Variants in CHODL observed in about 807,000 individuals in gnomAD.
CHODL encodes the protein chondrolectin.
A neutral mutation model predicts 34.5 loss-of-function variants in CHODL; 29 were observed. That is an observed-to-expected ratio of 0.84 (90% CI 0.63 to 1.15). The LOEUF is 1.15. CHODL is among the 50% of genes most tolerant of loss of function. CHODL has a pLI of 0.00. For synonymous variants in CHODL, 125 were observed against 116.1 expected, an observed-to-expected ratio of 1.08 and a Z score of -0.49; for missense variants, 332 against 332.5, an observed-to-expected ratio of 1.00 and a Z score of 0.01.
chr21:17,973,614 G>A (rs1311912399), intron 1 of CHODL, among the ~76,000 whole-genome samples: 1 of 150,902 alleles, frequency 6.6e-6, no homozygotes, highest in Admixed American at 6.6e-5. Context: ...TAGAGACGGA[G>A]TTTCACCGTG....
intron 2 of CHODL, among the ~76,000 whole-genome samples, chr21:18,183,962 T>C (rs954708948): frequency 1.6e-4 from 25 of 152,216 alleles, no homozygotes; most frequent in Non-Finnish European, 3.1e-4. Context: ...CTTTTTTCTT[T>C]TTTTAAAAAA....
At chr21:17,956,902 T>C (rs1025637070) in intron 1 of CHODL, among the ~76,000 whole-genome samples, 1 of 149,964 alleles carries the variant, frequency 6.7e-6, no homozygotes, top group Admixed American at 6.7e-5. Flanking sequence ...AGATATCTAG[T>C]TAAACATTAT....
chr21:18,136,089 G>A (rs1382177006), intron 2 of CHODL, among the ~76,000 whole-genome samples: 4 of 114,016 alleles, frequency 3.5e-5, no homozygotes, highest in Non-Finnish European at 6.7e-5. Flanking sequence ...CCTAGCGACA[G>A]AGCAAGATTA....
At chr21:18,263,780 CCTTA>C (rs1365604484) in intron 5 of CHODL, among the ~76,000 whole-genome samples, 3 of 152,092 alleles carry the variant, frequency 2.0e-5, no homozygotes, top group Admixed American at 6.6e-5. Context: ...CCTCTTTTGA[CCTTA>C]CTTCATCTTC....
chr21:18,156,471 AAATT>A (rs1474584778), intron 2 of CHODL, among the ~76,000 whole-genome samples: 2 of 152,224 alleles, frequency 1.3e-5, no homozygotes, highest in African/African-American at 4.8e-5. Flanking sequence ...TAAAATTTAA[AAATT>A]AACGTTTTAA....
At chr21:18,216,967 C>T (rs1331767590) in intron 2 of CHODL, among the ~76,000 whole-genome samples, 3 of 152,044 alleles carry the variant, frequency 2.0e-5, no homozygotes, top group Non-Finnish European at 4.4e-5. Context: ...GACACAGATC[C>T]AAACCATATC....
intron 2 of CHODL, among the ~76,000 whole-genome samples, chr21:18,146,110 A>G (rs2072884054): frequency 6.7e-6 from 1 of 149,350 alleles, no homozygotes; most frequent in East Asian, 1.9e-4. Context: ...CTGAGACTAC[A>G]TTGCCCGCCA....
chr21:18,074,562 G>A (rs974101360), intron 2 of CHODL, among the ~76,000 whole-genome samples: 4 of 152,128 alleles, frequency 2.6e-5, no homozygotes, highest in African/African-American at 9.7e-5. Context: ...GCTTTTAAAA[G>A]TTTTCGCTTG....
chr21:18,084,248 G>C (rs1336558348), intron 2 of CHODL, among the ~76,000 whole-genome samples: 1 of 152,024 alleles, frequency 6.6e-6, no homozygotes, highest in Admixed American at 6.5e-5. Flanking sequence ...AGTTACCTGA[G>C]GCTTCCCAGT....
At chr21:18,030,994 C>A (rs1449155495) in intron 2 of CHODL, among the ~76,000 whole-genome samples, 2 of 152,140 alleles carry the variant, frequency 1.3e-5, no homozygotes, top group Non-Finnish European at 2.9e-5. Context: ...AAAGATTCAA[C>A]AACTGTTTGA....
chr21:18,087,559 G>T (rs2065022754), intron 2 of CHODL, among the ~76,000 whole-genome samples: 7 of 152,106 alleles, frequency 4.6e-5, no homozygotes. Flanking sequence ...GCATAGGAGA[G>T]CTGGGCCCCC....
intron 2 of CHODL, among the ~76,000 whole-genome samples, chr21:18,201,857 T>C (rs1047745648): frequency 6.9e-6 from 1 of 145,012 alleles, no homozygotes; most frequent in Non-Finnish European, 1.5e-5. Context: ...CAGGCTGGAG[T>C]GCAGTGGCGC....
intron 2 of CHODL, among the ~76,000 whole-genome samples, chr21:18,232,041 C>G (rs1000165805): frequency 5.3e-5 from 8 of 152,018 alleles, no homozygotes; most frequent in Non-Finnish European, 1.0e-4. Flanking sequence ...CACTGTTGAA[C>G]TTGATGTTTG....
chr21:18,144,816 G>A (rs1264186712), intron 2 of CHODL, among the ~76,000 whole-genome samples: 3 of 150,978 alleles, frequency 2.0e-5, no homozygotes, highest in African/African-American at 7.3e-5. Context: ...TTAGGAAGAA[G>A]TAAATACTGA....
intron 2 of CHODL, among the ~76,000 whole-genome samples, chr21:18,110,525 C>T (rs1472116544): frequency 6.6e-6 from 1 of 152,052 alleles, no homozygotes; most frequent in East Asian, 1.9e-4. Flanking sequence ...GAGAGAAGAA[C>T]CCAGCCATTC....
chr21:18,256,347 C>T (rs1270428986), intron 1 of CHODL, among the ~76,000 whole-genome samples, 162 bp from the exon 2 acceptor site: 1 of 152,144 alleles, frequency 6.6e-6, no homozygotes, highest in Non-Finnish European at 1.5e-5. Flanking sequence ...TTACAAATTG[C>T]AAGCAATAGG....
intron 2 of CHODL, among the ~76,000 whole-genome samples, chr21:18,037,662 C>T (rs1316310833): frequency 6.6e-6 from 1 of 151,594 alleles, no homozygotes; most frequent in African/African-American, 2.4e-5. Flanking sequence ...TGCAGAAGCT[C>T]TCCAAGATCA....
intron 2 of CHODL, among the ~76,000 whole-genome samples, chr21:18,137,435 AT>A (rs2072747137): frequency 6.6e-6 from 1 of 152,216 alleles, no homozygotes; most frequent in Non-Finnish European, 1.5e-5. Context: ...TATGTTAAAT[AT>A]CAGGTATTTC....
intron 1 of CHODL, among the ~76,000 whole-genome samples, chr21:17,974,736 TTTAG>T (rs1415837934): frequency 6.6e-6 from 1 of 151,862 alleles, no homozygotes; most frequent in Non-Finnish European, 1.5e-5. Context: ...TGAAAATTAT[TTTAG>T]TTAAACAGTA....
Sources: allele counts gnomAD v4.1 joint callset (sites outside exome capture counted in the v4.1 genomes callset), GRCh38; gene constraint gnomAD v4.1.1; transcripts MANE v1.5; gene names NCBI Gene and HGNC (gene_info 2026-07-23, HGNC 2026-07-21).